Variants in ERBB4 observed in about 807,000 individuals in gnomAD.
ERBB4 encodes erb-b2 receptor tyrosine kinase 4.
In ERBB4, 42 loss-of-function variants were observed where a neutral mutation model predicts 158.0. The ratio of observed to expected loss-of-function variants is 0.27; its 90% CI spans 0.21 to 0.34. The LOEUF (loss-of-function observed/expected upper bound fraction) is 0.34, where lower values mean the gene tolerates loss of function less well. ERBB4 is among the 10% of genes least tolerant of loss of function. ERBB4 has a pLI of 1.00. For synonymous variants in ERBB4, 583 were observed against 558.7 expected (o/e 1.04, Z -0.61); for missense variants, 1,333 against 1,624.1 (o/e 0.82, Z 3.08).
chr2:211,825,904 A>G (rs1038142442), intron 3 of ERBB4, among the ~76,000 whole-genome samples: 2 of 148,068 alleles, frequency 1.4e-5, no homozygotes, highest in African/African-American at 4.9e-5. Context: ...TAATATATAT[A>G]GGATAATCCT....
chr2:212,497,152 T>C (rs960526438), intron 1 of ERBB4, among the ~76,000 whole-genome samples: 7 of 140,244 alleles, frequency 5.0e-5, no homozygotes, highest in African/African-American at 1.8e-4. Context: ...CACTCCAGCC[T>C]GGGTGACAAG....
chr2:211,692,503 G>T (rs2072859530), intron 12 of ERBB4, among the ~76,000 whole-genome samples: 1 of 152,090 alleles, frequency 6.6e-6, no homozygotes, highest in South Asian at 2.1e-4. Flanking sequence ...TGACTCTTAA[G>T]GGGCTAGAAT....
intron 3 of ERBB4, among the ~76,000 whole-genome samples, chr2:211,864,898 C>A (rs1166721928): frequency 1.3e-5 from 2 of 152,088 alleles, no homozygotes; most frequent in Non-Finnish European, 2.9e-5. Flanking sequence ...GTAATCCCAT[C>A]TACTTGGGAG....
chr2:212,416,855 T>A (rs1201317194), intron 1 of ERBB4, among the ~76,000 whole-genome samples: 1 of 152,074 alleles, frequency 6.6e-6, no homozygotes, highest in African/African-American at 2.4e-5. Flanking sequence ...CAAGATAACA[T>A]CAGCATATTT....
intron 2 of ERBB4, among the ~76,000 whole-genome samples, chr2:211,956,757 C>T (rs1234881583): frequency 6.6e-6 from 1 of 152,000 alleles, no homozygotes; most frequent in African/African-American, 2.4e-5. Flanking sequence ...TACTACATAG[C>T]TCATAAAGAT....
At chr2:211,944,214 A>ATATAGT (rs2080611944) in intron 3 of ERBB4, among the ~76,000 whole-genome samples, 1 of 26,886 alleles carries the variant, frequency 3.7e-5, no homozygotes, top group Admixed American at 3.9e-4. Flanking sequence ...ATATATATAT[A>ATATAGT]CACACACACA....
At chr2:212,399,998 A>C (rs780055088) in intron 1 of ERBB4, among the ~76,000 whole-genome samples, 33 of 152,150 alleles carry the variant, frequency 2.2e-4, no homozygotes, top group Non-Finnish European at 4.1e-4. Context: ...AATGAAATCA[A>C]ATGATATGTT....
chr2:211,778,525 G>A (rs2075949694), intron 4 of ERBB4: 1 of 152,088 alleles, frequency 6.6e-6, no homozygotes, highest in African/African-American at 2.4e-5. Flanking sequence ...TCTGATAATT[G>A]GTACACCCGA....
At chr2:212,067,745 C>T (rs935905305) in intron 2 of ERBB4, among the ~76,000 whole-genome samples, 2 of 151,984 alleles carry the variant, frequency 1.3e-5, no homozygotes, top group Admixed American at 6.6e-5. Flanking sequence ...TGAGACATCC[C>T]TCCTCTTAAT....
chr2:211,607,604 C>G (rs1235204067), intron 19 of ERBB4, among the ~76,000 whole-genome samples: 2 of 152,090 alleles, frequency 1.3e-5, no homozygotes, highest in Non-Finnish European at 1.5e-5. Context: ...TAATTGTAAT[C>G]CTCAGAGGTG....
chr2:211,567,939 CAAT>C (rs1271641207), intron 19 of ERBB4, among the ~76,000 whole-genome samples: 1 of 151,844 alleles, frequency 6.6e-6, no homozygotes, highest in Non-Finnish European at 1.5e-5. Context: ...TGTCGGCTTT[CAAT>C]AAATTACTCT....
At chr2:211,821,838 G>A (rs1465047659) in intron 3 of ERBB4, among the ~76,000 whole-genome samples, 1 of 151,924 alleles carries the variant, frequency 6.6e-6, no homozygotes, top group African/African-American at 2.4e-5. Flanking sequence ...TAACTCTCAT[G>A]CTAGATATAG....
chr2:212,298,822 T>C (rs540054739), intron 1 of ERBB4, among the ~76,000 whole-genome samples: 41 of 151,836 alleles, frequency 2.7e-4, no homozygotes, highest in Admixed American at 1.3e-3. Flanking sequence ...TTTTAATGGA[T>C]ATAGTAAATA....
At chr2:211,875,782 A>G (rs2078482866) in intron 3 of ERBB4, among the ~76,000 whole-genome samples, 1 of 152,192 alleles carries the variant, frequency 6.6e-6, no homozygotes, top group Non-Finnish European at 1.5e-5. Context: ...ACACAAGTGT[A>G]GCATTTTTAA....
chr2:212,522,320 TA>T (rs1692214348), intron 1 of ERBB4, among the ~76,000 whole-genome samples: 2 of 151,976 alleles, frequency 1.3e-5, no homozygotes, highest in Non-Finnish European at 2.9e-5. Context: ...AGTTGGCCTT[TA>T]ATAAGTACTA....
In ERBB4 at chr2:211,380,236, T is replaced by C. The variant is rs1368419821; in HGVS notation, c.*3379A>G. 8.6e-6 allele frequency: 2 copies of C among 232,260 alleles called. No individual in the cohort carries two copies. Among genetic ancestry groups the C allele is most frequent in the African/African-American group, 4.4e-5 (2 of 45,288 alleles). 14.4% of individuals were successfully genotyped at this position (232,260 alleles called of 1,614,324 possible). ...ACTATGCAGAAAACCAGGAGCTGCT[T>C]GGTAGTCTAACACCTTTTGTGGTGC... On this transcript the variant is annotated 3_prime_UTR_variant, in exon 28 of 28. Transcript: ENST00000342788.
chr2:211,639,523 T>TAA (rs1183290241), intron 16 of ERBB4, among the ~76,000 whole-genome samples: 2 of 152,214 alleles, frequency 1.3e-5, no homozygotes, highest in Non-Finnish European at 2.9e-5. Context: ...TTCCCATATT[T>TAA]AAAAAGTTTT....
At chr2:212,413,134 ATTTT>A (rs370397826) in intron 1 of ERBB4, among the ~76,000 whole-genome samples, 11 of 101,210 alleles carry the variant, frequency 1.1e-4, no homozygotes, top group Admixed American at 4.7e-4. Flanking sequence ...TGCGTGGCTA[ATTTT>A]TTTTTTTTTT....
At chr2:211,677,586 A>C (rs2072130322) in intron 13 of ERBB4, among the ~76,000 whole-genome samples, 1 of 151,466 alleles carries the variant, frequency 6.6e-6, no homozygotes, top group African/African-American at 2.4e-5. Flanking sequence ...TTAAAAAAAA[A>C]AAAAGAGGCC....
Sources: allele counts gnomAD v4.1 joint callset (sites outside exome capture counted in the v4.1 genomes callset), GRCh38; gene constraint gnomAD v4.1.1; transcripts MANE v1.5; gene names NCBI Gene and HGNC (gene_info 2026-07-23, HGNC 2026-07-21).